The following TBC1D22A variants were observed in gnomAD, a reference collection of about 807,000 sequenced individuals.
TBC1D22A encodes the protein putative GTPase activator.
TBC1D22A carries 38 observed loss-of-function variants against 60.2 expected under a neutral mutation model. The observed-to-expected ratio is 0.63, with a 90% CI of 0.49 to 0.83. The LOEUF (loss-of-function observed/expected upper bound fraction) is 0.83, where lower values mean the gene tolerates loss of function less well. TBC1D22A is among the 40% of genes least tolerant of loss of function. TBC1D22A has a pLI of 0.00. For synonymous variants in TBC1D22A, 302 were observed against 281.7 expected, an observed-to-expected ratio of 1.07 and a Z score of -0.72; for missense variants, 628 against 701.0, an observed-to-expected ratio of 0.90 and a Z score of 1.18.
At chr22:46,802,471 G>A (rs931530028) in intron 4 of TBC1D22A, among the ~76,000 whole-genome samples, 13 of 152,228 alleles carry the variant, frequency 8.5e-5, no homozygotes, top group African/African-American at 2.4e-4. Context: ...AAGGTCCTGC[G>A]GGCAATAGAG....
intron 6 of TBC1D22A, among the ~76,000 whole-genome samples, chr22:46,892,885 T>C (rs2068476095): frequency 1.3e-5 from 2 of 152,250 alleles, no homozygotes; most frequent in Admixed American, 6.5e-5. Context: ...TACATTAATA[T>C]AGATGAGACA....
chr22:46,920,871 A>G (rs1258790862), intron 8 of TBC1D22A, among the ~76,000 whole-genome samples: 7 of 151,720 alleles, frequency 4.6e-5, no homozygotes, highest in Non-Finnish European at 7.4e-5. Flanking sequence ...CCTGGGTTCA[A>G]GCGATTCTCC....
rs530026266 is a variant in TBC1D22A, at chr22:47,033,597, C to T, written c.1202-3474C>T. 1.1e-4 allele frequency among the ~76,000 whole-genome samples: 17 copies of T among 152,246 alleles called. 1 individual carries two copies. In the South Asian group the frequency reaches 2.9e-3, roughly 26 times the overall value. ...GCACCCTGAGCACTTATGCCCCTTT[C>T]GTGATAAATGCTTCCATAGAGGTGT... is the stretch of plus-strand genomic sequence containing the variant. On this transcript the variant is annotated intron_variant, in intron 10 of 12. Transcript: ENST00000337137.
At chr22:46,783,128 C>G (rs1386877925) in intron 1 of TBC1D22A, among the ~76,000 whole-genome samples, 1 of 152,188 alleles carries the variant, frequency 6.6e-6, no homozygotes, top group Non-Finnish European at 1.5e-5. Context: ...GCGTCTTTTT[C>G]ATTTCTGCCA....
At chr22:47,141,583 C>T (rs919721780) in intron 12 of TBC1D22A, among the ~76,000 whole-genome samples, 1 of 152,220 alleles carries the variant, frequency 6.6e-6, no homozygotes, top group East Asian at 1.9e-4. Flanking sequence ...CCAGCTTCGT[C>T]GGCTGCCCTG....
At chr22:47,110,265 A>G (rs1182409832) in intron 11 of TBC1D22A, among the ~76,000 whole-genome samples, 1 of 152,114 alleles carries the variant, frequency 6.6e-6, no homozygotes, top group East Asian at 1.9e-4. Flanking sequence ...GGATCACCGG[A>G]GGTCAGGAGT....
chr22:46,841,047 G>GTGTGTGTGT (rs1555909300), intron 4 of TBC1D22A, among the ~76,000 whole-genome samples: 10,304 of 147,412 alleles, frequency 0.07, 382 homozygotes, highest in East Asian at 0.086. Flanking sequence ...AATGAAAATG[G>GTGTGTGTGT]GTGTGTGTGT....
chr22:46,970,500 A>C (rs988703897), intron 8 of TBC1D22A, among the ~76,000 whole-genome samples: 1 of 152,044 alleles, frequency 6.6e-6, no homozygotes, highest in Non-Finnish European at 1.5e-5. Flanking sequence ...GTTTTGGGAG[A>C]TAAACCTGTC....
intron 11 of TBC1D22A, among the ~76,000 whole-genome samples, chr22:47,044,778 A>G (rs1356620135): frequency 2.0e-5 from 3 of 152,232 alleles, no homozygotes; most frequent in Non-Finnish European, 4.4e-5. Context: ...TCGGAGTGAC[A>G]GTGAAGTCAG....
chr22:46,906,425 C>T (rs2069470973), intron 7 of TBC1D22A, among the ~76,000 whole-genome samples: 2 of 152,104 alleles, frequency 1.3e-5, no homozygotes, highest in Admixed American at 1.3e-4. Flanking sequence ...GCTGCCTGGG[C>T]GCCGCTGTCT....
At chr22:46,783,332 G>C (rs943241307) in intron 1 of TBC1D22A, among the ~76,000 whole-genome samples, 8 of 152,218 alleles carry the variant, frequency 5.3e-5, no homozygotes, top group African/African-American at 1.9e-4. Flanking sequence ...CGGTGCTCCA[G>C]CAGTGTGCCC....
intron 10 of TBC1D22A, among the ~76,000 whole-genome samples, chr22:47,007,841 G>A (rs879648310): frequency 2.0e-5 from 3 of 152,164 alleles, no homozygotes; most frequent in Non-Finnish European, 4.4e-5. Flanking sequence ...CCCATCTCCA[G>A]ATACAGCCAC....
intron 12 of TBC1D22A, among the ~76,000 whole-genome samples, chr22:47,162,974 C>T (rs771317783): frequency 1.3e-5 from 2 of 152,254 alleles, no homozygotes; most frequent in African/African-American, 2.4e-5. Flanking sequence ...GCCCAATCTG[C>T]GAACCCCACC....
intron 4 of TBC1D22A, among the ~76,000 whole-genome samples, chr22:46,855,717 G>T (rs1337586768): frequency 6.6e-6 from 1 of 152,166 alleles, no homozygotes; most frequent in Non-Finnish European, 1.5e-5. Flanking sequence ...TGACCGTGCC[G>T]TGTGGGTTGT....
At chr22:46,986,860 G>A (rs1240184625) in intron 9 of TBC1D22A, among the ~76,000 whole-genome samples, 1 of 152,186 alleles carries the variant, frequency 6.6e-6, no homozygotes, top group Non-Finnish European at 1.5e-5. Context: ...GTCAGGGCAT[G>A]GTGTGGACGG....
At chr22:47,140,186 T>G (rs999973535) in intron 12 of TBC1D22A, among the ~76,000 whole-genome samples, 19 of 151,760 alleles carry the variant, frequency 1.3e-4, no homozygotes, top group African/African-American at 4.6e-4. Flanking sequence ...ATCACATTGC[T>G]CAGGCTCTGA....
In TBC1D22A at chr22:47,064,262, G is replaced by A. The variant is rs548234926; in HGVS notation, c.1329+27064G>A. On this transcript the variant is annotated intron_variant, in intron 11 of 12. Coordinates refer to ENST00000337137, the MANE Select transcript of TBC1D22A (RefSeq NM_014346.5). ...CCGCTCAGCAGTTTAACAGGCCAGT[G>A]CAAGCTGCTCAGTTCCCGGGCAGCG... is the stretch of plus-strand genomic sequence containing the variant. Among the ~76,000 whole-genome samples the A allele has an allele frequency of 9.2e-5, 14 of 152,376 alleles. No individual in the cohort carries two copies. The South Asian group carries it at 2.5e-3, about 27-fold the overall frequency.
At chr22:47,027,327 ATTTAT>A (rs1258138290) in intron 10 of TBC1D22A, among the ~76,000 whole-genome samples, 1 of 152,148 alleles carries the variant, frequency 6.6e-6, no homozygotes, top group Admixed American at 6.5e-5. Flanking sequence ...ATTTATTTTT[ATTTAT>A]TTAACTTTTT....
chr22:46,942,187 C>G (rs1423665627), intron 8 of TBC1D22A, among the ~76,000 whole-genome samples: 2 of 151,984 alleles, frequency 1.3e-5, no homozygotes, highest in Non-Finnish European at 2.9e-5. Flanking sequence ...ACTAGGCAGG[C>G]TGCCCGGCAT....
Sources: allele counts gnomAD v4.1 joint callset (sites outside exome capture counted in the v4.1 genomes callset), GRCh38; gene constraint gnomAD v4.1.1; transcripts MANE v1.5; gene names NCBI Gene and HGNC (gene_info 2026-07-23, HGNC 2026-07-21).